Variants in ATRN observed in about 807,000 individuals in gnomAD.
ATRN encodes attractin, also known as attractin-2.
A neutral mutation model predicts 178.7 loss-of-function variants in ATRN; 54 were observed. The ratio of observed to expected loss-of-function variants is 0.30; its 90% CI spans 0.24 to 0.38. The LOEUF (loss-of-function observed/expected upper bound fraction) is 0.38, where lower values mean the gene tolerates loss of function less well. Among genes scored for constraint, ATRN ranks in the 10% least tolerant of loss-of-function variants. The probability of loss-of-function intolerance (pLI) is 1.00; values close to 1 mark genes in which losing one functional copy is unlikely to be tolerated. For missense variants in ATRN, 1,443 were observed against 1,815.1 expected, an observed-to-expected ratio of 0.79 and a Z score of 3.73; for synonymous variants, 636 against 663.0, an observed-to-expected ratio of 0.96 and a Z score of 0.63.
At chr20:3,593,884 G>T (rs1327016597) in intron 19 of ATRN, among the ~76,000 whole-genome samples, 1 of 152,162 alleles carries the variant, frequency 6.6e-6, no homozygotes, top group Non-Finnish European at 1.5e-5. Context: ...TGTTGAGTTG[G>T]CCAGATGAGG....
At chr20:3,493,349 G>A (rs1443904160) in intron 1 of ATRN, among the ~76,000 whole-genome samples, 1 of 149,538 alleles carries the variant, frequency 6.7e-6, no homozygotes, top group Admixed American at 6.7e-5. Flanking sequence ...TGGTAGAGAT[G>A]GGGTCTCACG....
intron 27 of ATRN, among the ~76,000 whole-genome samples, chr20:3,641,870 A>G (rs569226229): frequency 2.6e-5 from 4 of 152,344 alleles, no homozygotes; most frequent in South Asian, 2.1e-4. Flanking sequence ...AATTACCCCC[A>G]GGAGGATAGA....
chr20:3,484,933 T>C (rs2084670441), intron 1 of ATRN, among the ~76,000 whole-genome samples: 1 of 148,676 alleles, frequency 6.7e-6, no homozygotes, highest in Admixed American at 6.8e-5. Context: ...TTATTATTAT[T>C]ATTATTATTA....
chr20:3,486,602 G>A (rs1305169896), intron 1 of ATRN, among the ~76,000 whole-genome samples: 1 of 151,870 alleles, frequency 6.6e-6, no homozygotes, highest in East Asian at 1.9e-4. Context: ...CTGTTGTCTC[G>A]AATTCCTGGC....
chr20:3,577,052 C>T (rs1478247117), intron 14 of ATRN, 55 bp downstream of exon 14: 13 of 1,593,196 alleles, frequency 8.2e-6, no homozygotes, highest in African/African-American at 1.3e-5. Flanking sequence ...CAGCCTGCTT[C>T]CCCCAACACT....
At chr20:3,507,145 G>A (rs2085056562) in intron 1 of ATRN, among the ~76,000 whole-genome samples, 1 of 151,534 alleles carries the variant, frequency 6.6e-6, no homozygotes, top group African/African-American at 2.4e-5. Flanking sequence ...ATTGGCTCAT[G>A]CCTGTAATCC....
At chr20:3,599,674 A>G (rs541693370) in intron 22 of ATRN, among the ~76,000 whole-genome samples, 110 of 152,320 alleles carry the variant, frequency 7.2e-4, no homozygotes, top group African/African-American at 2.5e-3. Flanking sequence ...TTCATATGCA[A>G]GGGTTCTATG....
chr20:3,534,927 C>G (rs1038903398), intron 1 of ATRN, among the ~76,000 whole-genome samples: 1 of 152,076 alleles, frequency 6.6e-6, no homozygotes, highest in African/African-American at 2.4e-5. Context: ...GGCAACATAG[C>G]GAGACCTGTC....
intron 24 of ATRN, among the ~76,000 whole-genome samples, chr20:3,614,414 T>C (rs2251694): frequency 0.59 from 90,190 of 151,984 alleles, 27,491 homozygotes; most frequent in East Asian, 0.97. Flanking sequence ...GTTACTGTAA[T>C]GTGGAGCTAA....
intron 1 of ATRN, among the ~76,000 whole-genome samples, chr20:3,484,816 C>T (rs1159642276): frequency 6.6e-6 from 1 of 151,844 alleles, no homozygotes; most frequent in Non-Finnish European, 1.5e-5. Context: ...TTCAAATGAT[C>T]TGACACACTT....
intron 3 of ATRN, among the ~76,000 whole-genome samples, chr20:3,545,181 A>G (rs958499619): frequency 1.2e-4 from 18 of 152,202 alleles, no homozygotes; most frequent in African/African-American, 4.3e-4. Context: ...AGCCTGGCCT[A>G]CATGATGAAA....
At chr20:3,529,841 T>A (rs1396660314) in intron 1 of ATRN, among the ~76,000 whole-genome samples, 2 of 152,204 alleles carry the variant, frequency 1.3e-5, no homozygotes, top group East Asian at 3.8e-4. Flanking sequence ...AGGAATCAAA[T>A]TGGTATAGCA....
chr20:3,553,151 T>A (rs1245258703), intron 6 of ATRN, among the ~76,000 whole-genome samples: 1 of 152,138 alleles, frequency 6.6e-6, no homozygotes, highest in South Asian at 2.1e-4. Flanking sequence ...TCACCTCTAG[T>A]GCTGCCACCA....
intron 10 of ATRN, among the ~76,000 whole-genome samples, chr20:3,564,133 G>T (rs892030832): frequency 2.6e-5 from 4 of 152,136 alleles, no homozygotes; most frequent in Admixed American, 2.0e-4. Context: ...AGACATTTGT[G>T]TGCCAGCCAC....
chr20:3,555,225 G>C (rs942225368), intron 6 of ATRN, among the ~76,000 whole-genome samples: 3 of 151,666 alleles, frequency 2.0e-5, no homozygotes, highest in African/African-American at 7.3e-5. Flanking sequence ...GGATGGTCTC[G>C]ATCTCCTGAC....
chr20:3,498,102 G>A (rs1246794312), intron 1 of ATRN, among the ~76,000 whole-genome samples: 2 of 152,080 alleles, frequency 1.3e-5, no homozygotes, highest in Non-Finnish European at 2.9e-5. Context: ...TAAATTCCTC[G>A]ACACATACAC....
Position 3,471,063 on chromosome 20 carries a change from G to A in ATRN, c.-45G>A. ...CAGGCGAAGCGGAGCCGGCCGTGCG[G>A]TGTGTGTGTATGTGTTCGCGGGGCG... On this transcript the variant is annotated 5_prime_UTR_variant, in exon 1 of 29. It adds an upstream start codon to the 5' untranslated region. Coordinates refer to ENST00000262919, the MANE Select transcript of ATRN (RefSeq NM_139321.3). The A allele has an allele frequency of 1.4e-6, 2 of 1,481,164 alleles. No homozygotes were observed. Among genetic ancestry groups the A allele is most frequent in the Non-Finnish European group, 1.8e-6 (2 of 1,123,016 alleles). 91.8% of individuals were successfully genotyped at this position (1,481,164 alleles called of 1,614,324 possible).
chr20:3,625,120 C>T (rs2086927135), intron 25 of ATRN, among the ~76,000 whole-genome samples: 1 of 152,098 alleles, frequency 6.6e-6, no homozygotes, highest in Admixed American at 6.5e-5. Context: ...CAGAAAGCAG[C>T]AATAGCCTGC....
intron 1 of ATRN, among the ~76,000 whole-genome samples, chr20:3,475,297 G>C (rs73893004): frequency 0.13 from 19,624 of 152,094 alleles, 2,196 homozygotes; most frequent in African/African-American, 0.3. Flanking sequence ...ACGAGGAGTG[G>C]ATTTCCCTAA....
Sources: gnomAD v4.1 joint callset for allele counts (sites outside exome capture counted in the v4.1 genomes callset) on GRCh38, gnomAD v4.1.1 for gene constraint, MANE v1.5 for transcripts, NCBI Gene and HGNC (gene_info 2026-07-23, HGNC 2026-07-21) for gene names.